Variants in FZR1 observed in about 807,000 individuals in gnomAD.
FZR1 encodes the protein fizzy and cell division cycle 20 related 1.
FZR1 carries 11 observed loss-of-function variants against 63.6 expected under a neutral mutation model. That is an observed-to-expected ratio of 0.17 (90% CI 0.11 to 0.29). FZR1 has a LOEUF of 0.29. Ranked by LOEUF, FZR1 falls within the 10% of genes least tolerant of loss-of-function variation. The pLI is 1.00. For missense variants in FZR1, 440 were observed against 687.5 expected (o/e 0.64, Z 4.03); for synonymous variants, 328 against 297.9 (o/e 1.10, Z -1.04).
At chr19:3,530,946 C>T (rs534413818) in intron 8 of FZR1, 89 bp downstream of exon 8, 18 of 1,008,114 alleles carry the variant, frequency 1.8e-5, no homozygotes, top group African/African-American at 4.8e-5. Context: ...GGGTCTAGTG[C>T]GTGGCCTGAG....
rs1333912074 is a variant in FZR1 at position 3,525,460 on chromosome 19, TG to T, written c.70-407del. Among the ~76,000 whole-genome samples the T allele has an allele frequency of 1.2e-4, 18 of 146,708 alleles. No individual in the cohort carries two copies. The highest frequency in any genetic ancestry group is 2.4e-4 in the Non-Finnish European group (16 of 66,748). ...TTTTTTTTTTTTTTTTTTTTTTTTT[TG>T]AGACGGAGTCTCGCTCTGTCGCCCA... On this transcript the variant is annotated intron_variant, in intron 2 of 13. Transcript: ENST00000441788. The surrounding 1 kb of genome is among the most constrained non-coding windows in gnomAD (Gnocchi z 4.2).
chr19:3,506,548 G>C (rs2082984265), intron 1 of FZR1, 74 bp downstream of exon 1: 2 of 151,742 alleles, frequency 1.3e-5, no homozygotes. Flanking sequence ...CCCCAAAACC[G>C]GGACGGCGGG....
rs1463793798 is a variant in FZR1, at chr19:3,516,144, G to A, written c.-34-6812G>A. ...CAAATTGCCTTCCTTTGAAGCCGTAGCAGTTTGCAGCTTCTGCCAACCATG... is the reference window on the plus strand; with the variant it reads ...CAAATTGCCTTCCTTTGAAGCCGTAACAGTTTGCAGCTTCTGCCAACCATG... On this transcript the variant is annotated intron_variant, in intron 1 of 13. Coordinates refer to ENST00000441788, the MANE Select transcript of FZR1 (RefSeq NM_016263.4). The surrounding 1 kb of genome is among the most constrained non-coding windows in gnomAD (Gnocchi z 6.0). Among the ~76,000 whole-genome samples the A allele has an allele frequency of 6.6e-6, 1 of 152,210 alleles. No homozygotes were observed. The highest frequency in any genetic ancestry group is 2.4e-5 in the African/African-American group (1 of 41,452).
chr19:3,531,076 T>G (rs1599791789), intron 8 of FZR1, among the ~76,000 whole-genome samples: 2 of 152,008 alleles, frequency 1.3e-5, no homozygotes, highest in Non-Finnish European at 2.9e-5. Flanking sequence ...GGATGGCAGG[T>G]CCAGTGGGGA....
chr19:3,528,646 GGAGAGTGGATGGGAGAATGGATGA>G (rs1410773908), intron 7 of FZR1, among the ~76,000 whole-genome samples: 5 of 151,892 alleles, frequency 3.3e-5, no homozygotes, highest in South Asian at 2.1e-4. Flanking sequence ...AGAGTGGATG[GGAGAGTGGATGGGAGAATGGATGA>G]GAGAGTGGAT....
intron 6 of FZR1, 43 bp downstream of exon 6, chr19:3,527,105 C>T (rs370545100): frequency 1.2e-5 from 18 of 1,442,762 alleles, no homozygotes; most frequent in Admixed American, 1.7e-5. Flanking sequence ...CTCCCTGTCT[C>T]CCGTCAGCAG....
Position 3,536,366 on chromosome 19 carries a change from TG to T in FZR1, c.*1534del, listed in dbSNP as rs2029966962. 6.6e-6 allele frequency: 1 copy of T among 152,190 alleles called. No individual in the cohort carries two copies. The highest frequency in any genetic ancestry group is 2.1e-4 in the South Asian group (1 of 4,832). The allele number at this position is 152,190 out of a possible 1,614,324, so 9.4% of individuals were successfully genotyped here. ...GAGACTCTCCCCACCTCTGTCTGGG[TG>T]GGGCGCGGACCCCTCACTGTGCGCC... On this transcript the variant is annotated 3_prime_UTR_variant, in exon 14 of 14. Transcript: ENST00000441788.
chr19:3,530,680 A>T (rs2083237912), intron 7 of FZR1, 112 bp from the exon 8 acceptor site: 1 of 748,596 alleles, frequency 1.3e-6, no homozygotes, highest in Non-Finnish European at 2.3e-6. Context: ...ATGAGATTGG[A>T]TGGGAGAGTG....
intron 7 of FZR1, among the ~76,000 whole-genome samples, chr19:3,529,383 A>G (rs563166005): frequency 7.0e-6 from 1 of 143,722 alleles, no homozygotes; most frequent in Non-Finnish European, 1.5e-5. Flanking sequence ...CAGATGGGAG[A>G]GCAGATGGGT....
At chr19:3,522,580 G>A (rs2083112617) in intron 1 of FZR1, among the ~76,000 whole-genome samples, 1 of 152,204 alleles carries the variant, frequency 6.6e-6, no homozygotes, top group African/African-American at 2.4e-5. Flanking sequence ...CGTTGCAGAC[G>A]CACACGCACG....
intron 8 of FZR1, among the ~76,000 whole-genome samples, 161 bp from the exon 9 acceptor site, chr19:3,531,553 G>C (rs1227449260): frequency 2.6e-5 from 4 of 151,592 alleles, no homozygotes; most frequent in Admixed American, 2.6e-4. Flanking sequence ...ATGCACTGAG[G>C]GGGGTTTATG....
chr19:3,512,428 A>G (rs1209181901), intron 1 of FZR1, among the ~76,000 whole-genome samples: 1 of 152,202 alleles, frequency 6.6e-6, no homozygotes, highest in Non-Finnish European at 1.5e-5. Context: ...CTGATGTCCC[A>G]AGAGGTGAAG....
rs1245913340 is a variant in FZR1, at chr19:3,518,045, C to CACT, written c.-34-4910_-34-4908dup. Among the ~76,000 whole-genome samples, 182 of 139,892 alleles carry CACT rather than the reference C, an allele frequency of 1.3e-3. 1 individual carries two copies. Among genetic ancestry groups the CACT allele is most frequent in the Admixed American group, 3.1e-3 (42 of 13,758 alleles). 91.8% of individuals were successfully genotyped at this position (139,892 alleles called of 152,430 possible). On this transcript the variant is annotated intron_variant, in intron 1 of 13. Coordinates refer to ENST00000441788, the MANE Select transcript of FZR1 (RefSeq NM_016263.4). ...TTTTTTTTTTTTTGAGACAGAGTCT[C>CACT]ACTGTGTCACCCAGGCTGGAGTGCA...
At position 3,533,456 on chromosome 19, in the gene FZR1, C is replaced by A; in HGVS notation, c.1347+58C>A. On this transcript the variant is annotated intron_variant, in intron 12 of 13. Coordinates refer to ENST00000441788, the MANE Select transcript of FZR1 (RefSeq NM_016263.4). This position sits in a 1 kb window ranked among gnomAD's most constrained non-coding sequence, Gnocchi z 4.9. ...GGGATTCTGGACAAACTGCCATGGC[C>A]ACCCCAGAGCACCCTGTCCTGTGTT... 1.1e-6 allele frequency: 1 copy of A among 947,352 alleles called. No homozygotes were observed. 58.7% of individuals were successfully genotyped at this position (947,352 alleles called of 1,614,324 possible).
chr19:3,523,749 A>G (rs2083125286), intron 2 of FZR1, among the ~76,000 whole-genome samples: 2 of 152,238 alleles, frequency 1.3e-5, no homozygotes, highest in Admixed American at 1.3e-4. Flanking sequence ...GCTGGCCTGC[A>G]TAGACGGGTC....
At chr19:3,532,722 G>T in intron 11 of FZR1, 72 bp downstream of exon 11, 1 of 1,027,166 alleles carries the variant, frequency 9.7e-7, no homozygotes, top group Non-Finnish European at 1.5e-6. Flanking sequence ...CCTGCCACCT[G>T]AGAGCAGCCT....
In FZR1 at chr19:3,515,172, G is replaced by A. The variant is rs745392975; in HGVS notation, c.-34-7784G>A. 1.3e-4 allele frequency among the ~76,000 whole-genome samples: 20 copies of A among 152,336 alleles called. No homozygotes were observed. Among genetic ancestry groups the A allele is most frequent in the East Asian group, 3.9e-4 (2 of 5,182 alleles). ...GACAAGAACCTCTGCAGGGCCTGGC[G>A]GAGCACGAGTCACTCACTGATTCAC... On this transcript the variant is annotated intron_variant, in intron 1 of 13. Coordinates refer to ENST00000441788, the MANE Select transcript of FZR1 (RefSeq NM_016263.4). The surrounding 1 kb of genome is among the most constrained non-coding windows in gnomAD (Gnocchi z 4.6).
chr19:3,527,848 G>A (rs755031858), intron 7 of FZR1, 34 bp downstream of exon 7: 4 of 1,538,072 alleles, frequency 2.6e-6, no homozygotes, highest in Non-Finnish European at 3.6e-6. Context: ...TGTGCATGGG[G>A]GCCTCCCCAG....
Position 3,508,200 on chromosome 19 carries a change from C to CTTTT in FZR1, c.-35+1744_-35+1747dup, listed in dbSNP as rs71166908. Among the ~76,000 whole-genome samples the CTTTT allele has an allele frequency of 7.2e-4, 66 of 91,080 alleles. 3 individuals carry two copies. Among genetic ancestry groups the CTTTT allele is most frequent in the African/African-American group, 2.3e-3 (49 of 21,090 alleles). The allele number at this position is 91,080 out of a possible 152,430, so 59.8% of individuals were successfully genotyped here. A position where few individuals can be genotyped will look rare whatever the true frequency, so the allele number is the denominator to read the frequency against. On this transcript the variant is annotated intron_variant, in intron 1 of 13. Coordinates refer to ENST00000441788, the MANE Select transcript of FZR1 (RefSeq NM_016263.4). ...TTCAAGGTGGGGCTACATTGATTTT[C>CTTTT]TTTTTTTTTTTTTTTTTTTTTGAGA...
Sources: gnomAD v4.1 joint callset for allele counts (sites outside exome capture counted in the v4.1 genomes callset) on GRCh38, gnomAD v4.1.1 for gene constraint, Gnocchi (gnomAD v3.1) non-coding constraint, MANE v1.5 for transcripts, NCBI Gene and HGNC (gene_info 2026-07-23, HGNC 2026-07-21) for gene names.